The following CPNE4 variants were observed in gnomAD, a reference collection of about 807,000 sequenced individuals.
CPNE4 encodes copine-4.
CPNE4 carries 25 observed loss-of-function variants against 67.9 expected under a neutral mutation model. The observed-to-expected ratio is 0.37, with a 90% CI of 0.27 to 0.51. The LOEUF (loss-of-function observed/expected upper bound fraction) is 0.51, where lower values mean the gene tolerates loss of function less well. CPNE4 is among the 20% of genes least tolerant of loss of function. CPNE4 has a pLI of 0.93. For synonymous variants in CPNE4, 242 were observed against 244.9 expected (o/e 0.99, Z 0.11); for missense variants, 464 against 690.8 (o/e 0.67, Z 3.68).
intron 1 of CPNE4, among the ~76,000 whole-genome samples, chr3:132,013,736 C>T (rs962012839): frequency 2.0e-5 from 3 of 152,290 alleles, no homozygotes; most frequent in South Asian, 4.1e-4. Flanking sequence ...CATTTAATAA[C>T]CTCACAACAA....
intron 2 of CPNE4, among the ~76,000 whole-genome samples, chr3:131,814,359 T>C (rs1001655046): frequency 1.3e-5 from 2 of 152,006 alleles, no homozygotes; most frequent in Non-Finnish European, 2.9e-5. Flanking sequence ...AACAGCACTC[T>C]AGAGGGTCTT....
chr3:131,603,775 A>T (rs1939343939), intron 7 of CPNE4, among the ~76,000 whole-genome samples: 1 of 152,080 alleles, frequency 6.6e-6, no homozygotes, highest in Non-Finnish European at 1.5e-5. Flanking sequence ...TTCTGAAAAG[A>T]TTTTCCTTTC....
intron 1 of CPNE4, among the ~76,000 whole-genome samples, chr3:131,949,467 CAA>C (rs2071655397): frequency 6.6e-6 from 1 of 152,050 alleles, no homozygotes; most frequent in South Asian, 2.1e-4. Flanking sequence ...AAAAGATATG[CAA>C]AGTTTTAGGA....
intron 1 of CPNE4, among the ~76,000 whole-genome samples, chr3:131,930,555 TC>T (rs2071031080): frequency 6.6e-6 from 1 of 152,210 alleles, no homozygotes; most frequent in Non-Finnish European, 1.5e-5. Context: ...TGCACAACTG[TC>T]CTTGGTACAT....
chr3:131,951,180 GT>G (rs1465772910), intron 1 of CPNE4, among the ~76,000 whole-genome samples: 2 of 152,096 alleles, frequency 1.3e-5, no homozygotes, highest in Non-Finnish European at 2.9e-5. Context: ...TTTAAGAGAT[GT>G]TTTGTGATTT....
intron 1 of CPNE4, among the ~76,000 whole-genome samples, chr3:131,994,742 C>T (rs192488771): frequency 2.0e-5 from 3 of 152,268 alleles, no homozygotes; most frequent in African/African-American, 7.2e-5. Flanking sequence ...TTTAGAGTAG[C>T]ATATACACTG....
chr3:131,773,435 C>A (rs1206666408), intron 2 of CPNE4, among the ~76,000 whole-genome samples: 2 of 152,122 alleles, frequency 1.3e-5, no homozygotes, highest in African/African-American at 4.8e-5. Flanking sequence ...TCACACTCTG[C>A]CTCCTGGGTT....
At chr3:131,882,571 A>T (rs9877121) in intron 2 of CPNE4, among the ~76,000 whole-genome samples, 42,485 of 152,014 alleles carry the variant, frequency 0.28, 7,252 homozygotes, top group Non-Finnish European at 0.37. Context: ...ATTTCACTTA[A>T]ATATATAAAT....
chr3:131,842,390 C>G (rs373006392), intron 2 of CPNE4, among the ~76,000 whole-genome samples: 22 of 152,298 alleles, frequency 1.4e-4, no homozygotes, highest in African/African-American at 5.1e-4. Context: ...TAGACATCTA[C>G]TTCAGAGGTG....
At chr3:131,847,635 CTT>C (rs998377004) in intron 2 of CPNE4, among the ~76,000 whole-genome samples, 1 of 152,180 alleles carries the variant, frequency 6.6e-6, no homozygotes, top group African/African-American at 2.4e-5. Context: ...ACGTAACACT[CTT>C]TGCATTAAAA....
intron 2 of CPNE4, among the ~76,000 whole-genome samples, chr3:131,782,128 C>T (rs1375617254): frequency 6.6e-6 from 1 of 152,082 alleles, no homozygotes; most frequent in African/African-American, 2.4e-5. Context: ...ATTCAATATG[C>T]TCTTAAGTAT....
chr3:131,910,564 G>A (rs1012853774), intron 1 of CPNE4, among the ~76,000 whole-genome samples: 2 of 152,162 alleles, frequency 1.3e-5, no homozygotes, highest in African/African-American at 4.8e-5. Flanking sequence ...TGGGGGCTCT[G>A]GGACATGAAT....
At chr3:131,969,099 C>A (rs1447753165) in intron 1 of CPNE4, among the ~76,000 whole-genome samples, 2 of 151,586 alleles carry the variant, frequency 1.3e-5, no homozygotes, top group Non-Finnish European at 2.9e-5. Flanking sequence ...AGCAAACTAA[C>A]ACAGGAACAG....
chr3:131,888,156 C>T (rs898656271), intron 2 of CPNE4, among the ~76,000 whole-genome samples: 1 of 152,174 alleles, frequency 6.6e-6, no homozygotes, highest in Non-Finnish European at 1.5e-5. Flanking sequence ...AAAATGGTTG[C>T]TTCAATTCAA....
chr3:131,905,527 T>G, intron 1 of CPNE4, 83 bp from the exon 2 acceptor site: 2 of 1,286,748 alleles, frequency 1.6e-6, no homozygotes, highest in Non-Finnish European at 2.1e-6. Flanking sequence ...CAATCACCCT[T>G]CAGAAAATTG....
chr3:131,670,012 C>T (rs557912708), intron 6 of CPNE4, among the ~76,000 whole-genome samples: 8 of 152,238 alleles, frequency 5.3e-5, no homozygotes, highest in African/African-American at 1.4e-4. Context: ...TAATATTTTC[C>T]AGCATGTGGA....
intron 1 of CPNE4, among the ~76,000 whole-genome samples, chr3:132,010,385 C>T (rs966388473): frequency 1.3e-5 from 2 of 152,078 alleles, no homozygotes; most frequent in Non-Finnish European, 2.9e-5. Flanking sequence ...ATCTACCAAA[C>T]GCTTCAATAA....
intron 1 of CPNE4, among the ~76,000 whole-genome samples, chr3:131,952,129 C>G (rs1205308945): frequency 2.0e-5 from 3 of 150,372 alleles, no homozygotes; most frequent in Non-Finnish European, 3.0e-5. Flanking sequence ...AGTGCCTCTT[C>G]CCGGCCGCCA....
intron 15 of CPNE4, among the ~76,000 whole-genome samples, chr3:131,541,695 A>G (rs750095648): frequency 1.1e-4 from 17 of 151,352 alleles, no homozygotes; most frequent in African/African-American, 3.2e-4. Context: ...TTTGAAACCA[A>G]CTCTCACTCT....
Sources: gnomAD v4.1 joint callset for allele counts (sites outside exome capture counted in the v4.1 genomes callset) on GRCh38, gnomAD v4.1.1 for gene constraint, MANE v1.5 for transcripts, NCBI Gene and HGNC (gene_info 2026-07-23, HGNC 2026-07-21) for gene names.